Variants in CD2AP observed in about 807,000 individuals in gnomAD.
CD2AP encodes CD2-associated protein.
CD2AP carries 46 observed loss-of-function variants against 85.1 expected under a neutral mutation model. The observed-to-expected ratio is 0.54, with a 90% CI of 0.43 to 0.69. CD2AP has a LOEUF of 0.69. Ranked by LOEUF, CD2AP falls within the 30% of genes least tolerant of loss-of-function variation. CD2AP has a pLI of 0.00. For missense variants in CD2AP, 769 were observed against 729.5 expected (o/e 1.05, Z -0.62); for synonymous variants, 255 against 252.9 (o/e 1.01, Z -0.08).
chr6:47,492,283 A>G (rs1765755065), intron 1 of CD2AP, among the ~76,000 whole-genome samples: 1 of 152,036 alleles, frequency 6.6e-6, no homozygotes. Flanking sequence ...TCTAGTGAGG[A>G]AAGTTCAAAG....
chr6:47,500,381 T>A (rs766277860), intron 1 of CD2AP, among the ~76,000 whole-genome samples: 1 of 152,212 alleles, frequency 6.6e-6, no homozygotes, highest in Non-Finnish European at 1.5e-5. Context: ...TATAGCTCCC[T>A]TAGGTTCTCT....
At chr6:47,570,008 T>G (rs181240486) in intron 5 of CD2AP, among the ~76,000 whole-genome samples, 2 of 152,340 alleles carry the variant, frequency 1.3e-5, no homozygotes, top group East Asian at 3.9e-4. Context: ...TGATTGATTT[T>G]AAGTCCAGTT....
intron 8 of CD2AP, among the ~76,000 whole-genome samples, chr6:47,577,977 C>T (rs1009669245): frequency 5.9e-5 from 9 of 151,906 alleles, no homozygotes; most frequent in East Asian, 1.9e-4. Flanking sequence ...TTATAGGATA[C>T]GTAGTAATAA....
intron 2 of CD2AP, among the ~76,000 whole-genome samples, chr6:47,529,728 T>C (rs1024732996): frequency 1.3e-5 from 2 of 152,236 alleles, no homozygotes; most frequent in African/African-American, 4.8e-5. Flanking sequence ...TAGCCTATGC[T>C]AAAATCGGTT....
intron 9 of CD2AP, chr6:47,579,712 C>T (rs1269592348): frequency 2.1e-6 from 1 of 469,788 alleles, no homozygotes; most frequent in African/African-American, 2.0e-5. Context: ...GAAAAATAAC[C>T]TTAGACTTCT....
chr6:47,486,595 T>A (rs9381566), intron 1 of CD2AP, among the ~76,000 whole-genome samples: 45,205 of 152,006 alleles, frequency 0.3, 8,233 homozygotes, highest in Middle Eastern at 0.5. Flanking sequence ...AGGTATTTTT[T>A]CCTCCACTTC....
intron 14 of CD2AP, 106 bp downstream of exon 14, chr6:47,606,383 A>G: frequency 1.4e-6 from 1 of 737,548 alleles, no homozygotes; most frequent in Non-Finnish European, 2.5e-6. Flanking sequence ...TCAGGAGGAT[A>G]GCTCTTATAC....
At chr6:47,620,925 A>G (rs1312799746) in intron 17 of CD2AP, among the ~76,000 whole-genome samples, 2 of 152,152 alleles carry the variant, frequency 1.3e-5, no homozygotes, top group Non-Finnish European at 2.9e-5. Flanking sequence ...TTGTTTTATC[A>G]GTTCTAGGAG....
intron 5 of CD2AP, among the ~76,000 whole-genome samples, chr6:47,556,932 C>T (rs1470952789): frequency 6.6e-6 from 1 of 152,144 alleles, no homozygotes; most frequent in African/African-American, 2.4e-5. Context: ...CTAATTTACA[C>T]TCCCGTGAAC....
intron 2 of CD2AP, among the ~76,000 whole-genome samples, chr6:47,533,096 A>G (rs1000021512): frequency 2.0e-5 from 3 of 152,248 alleles, no homozygotes; most frequent in Non-Finnish European, 4.4e-5. Flanking sequence ...ATAATATGAC[A>G]TATAAAATTA....
intron 17 of CD2AP, among the ~76,000 whole-genome samples, chr6:47,616,183 C>T (rs537168934): frequency 1.2e-3 from 173 of 146,282 alleles, no homozygotes; most frequent in African/African-American, 4.3e-3. Context: ...CCACCACCTT[C>T]CAGGTTCAGG....
intron 1 of CD2AP, among the ~76,000 whole-genome samples, chr6:47,496,445 G>A (rs145499219): frequency 1.1e-3 from 160 of 152,054 alleles, no homozygotes; most frequent in African/African-American, 3.4e-3. Flanking sequence ...AAAAGAGCAG[G>A]GAATTTAACC....
At chr6:47,487,766 C>G (rs1223366376) in intron 1 of CD2AP, among the ~76,000 whole-genome samples, 1 of 152,156 alleles carries the variant, frequency 6.6e-6, no homozygotes, top group Non-Finnish European at 1.5e-5. Flanking sequence ...CTTACTTGAT[C>G]TGAGCTCATT....
chr6:47,516,334 A>G (rs576821243), intron 2 of CD2AP, among the ~76,000 whole-genome samples: 16 of 152,334 alleles, frequency 1.1e-4, no homozygotes. Context: ...GCAACAGAGC[A>G]TAGAAAATCA....
intron 8 of CD2AP, among the ~76,000 whole-genome samples, 169 bp from the exon 9 acceptor site, chr6:47,579,216 T>C (rs1448470597): frequency 6.6e-6 from 1 of 151,692 alleles, no homozygotes; most frequent in South Asian, 2.1e-4. Flanking sequence ...ATTCCTGTGG[T>C]CCCAGCCACT....
At position 47,533,657 on chromosome 6, in the gene CD2AP, G is replaced by A. The variant is rs758523796; in HGVS notation, c.221G>A (p.Arg74Lys). 1.9e-6 allele frequency: 3 copies of A among 1,613,948 alleles called. No homozygotes were observed. The highest frequency in any genetic ancestry group is 3.3e-5 in the Admixed American group (2 of 60,006). The change falls in exon 3 of 18, where the codon AGG becomes AAG. Residue 74 changes from arginine (R) to lysine (K), a missense_variant. Arg to Lys is a conservative substitution (Grantham distance 26). Coordinates refer to ENST00000359314, the MANE Select transcript of CD2AP (RefSeq NM_012120.3). ...KDDSLPIKRE[R>K]HGNVASLVQR... ...GACAGTTTGCCCATCAAACGGGAAAGGCATGGGAATGTAGCAAGTCTTGTA... is the reference window on the plus strand; with the variant it reads ...GACAGTTTGCCCATCAAACGGGAAAAGCATGGGAATGTAGCAAGTCTTGTA...
chr6:47,566,323 T>TATATATATATACACAC lies in CD2AP; in HGVS notation c.542-7740_542-7739insTATATATATACACACA. Among the ~76,000 whole-genome samples, 177 of 108,432 alleles carry TATATATATATACACAC rather than the reference T, an allele frequency of 1.6e-3. 1 individual carries two copies. The highest frequency in any genetic ancestry group is 3.7e-3 in the African/African-American group (129 of 34,448). 71.1% of individuals were successfully genotyped at this position (108,432 alleles called of 152,430 possible). ...TAGAATATATATATATATATATATA[T>TATATATATATACACAC]ACACATACACATATATATATATGTA... is the stretch of plus-strand genomic sequence containing the variant. On this transcript the variant is annotated intron_variant, in intron 5 of 17. Coordinates refer to ENST00000359314, the MANE Select transcript of CD2AP (RefSeq NM_012120.3).
chr6:47,623,690 T>C (rs1288693044), intron 17 of CD2AP, among the ~76,000 whole-genome samples: 1 of 152,164 alleles, frequency 6.6e-6, no homozygotes, highest in Non-Finnish European at 1.5e-5. Flanking sequence ...AGATATTTAA[T>C]GTAGTATATA....
chr6:47,561,238 T>TC (rs1407291999), intron 5 of CD2AP, among the ~76,000 whole-genome samples: 4 of 152,208 alleles, frequency 2.6e-5, no homozygotes, highest in African/African-American at 9.7e-5. Flanking sequence ...ACAGAACATT[T>TC]CCATCACCCC....
Sources: gnomAD v4.1 joint callset for allele counts (sites outside exome capture counted in the v4.1 genomes callset) on GRCh38, gnomAD v4.1.1 for gene constraint, MANE v1.5 for transcripts, NCBI Gene and HGNC (gene_info 2026-07-23, HGNC 2026-07-21) for gene names.